The following SLC24A2 variants were observed in gnomAD, a reference collection of about 807,000 sequenced individuals.
The protein encoded by SLC24A2 is sodium/potassium/calcium exchanger 2.
Under a neutral mutation model 62.0 loss-of-function variants are expected in SLC24A2, and 36 were observed. The observed-to-expected ratio is 0.58, with a 90% CI of 0.44 to 0.77. SLC24A2 has a LOEUF of 0.77. SLC24A2 is among the 30% of genes least tolerant of loss of function. SLC24A2 has a pLI of 0.00. For missense variants in SLC24A2, 846 were observed against 817.9 expected (o/e 1.03, Z -0.42); for synonymous variants, 358 against 294.0 (o/e 1.22, Z -2.23).
chr9:19,825,033 A>G, the SLC24A2 span, among the ~76,000 whole-genome samples: 2 of 152,082 alleles, frequency 1.3e-5, no homozygotes, highest in Non-Finnish European at 2.9e-5. Flanking sequence ...GTGGGGACAA[A>G]GGGAAGTGAA....
intron 2 of SLC24A2, among the ~76,000 whole-genome samples, chr9:19,692,724 C>T (rs1820078976): frequency 6.6e-6 from 1 of 152,104 alleles, no homozygotes; most frequent in Non-Finnish European, 1.5e-5. Context: ...TCTCCTTCCT[C>T]CACCAAATGT....
intron 2 of SLC24A2, among the ~76,000 whole-genome samples, chr9:19,636,331 C>CTTTCTT (rs1818339222): frequency 5.1e-5 from 1 of 19,576 alleles, no homozygotes; most frequent in African/African-American, 2.5e-4. Context: ...TTCTTTCTTT[C>CTTTCTT]TTTCTTTCTT....
the SLC24A2 span, among the ~76,000 whole-genome samples, chr9:20,045,713 G>A: frequency 6.6e-6 from 1 of 152,206 alleles, no homozygotes; most frequent in East Asian, 1.9e-4. Context: ...TTACAGGGGT[G>A]AGCCACTGCA....
At chr9:19,931,347 A>G in the SLC24A2 span, among the ~76,000 whole-genome samples, 1 of 152,250 alleles carries the variant, frequency 6.6e-6, no homozygotes, top group African/African-American at 2.4e-5. Context: ...CTGTAATTTA[A>G]AAATAGATTT....
At chr9:20,166,788 A>T in the SLC24A2 span, among the ~76,000 whole-genome samples, 1 of 151,994 alleles carries the variant, frequency 6.6e-6, no homozygotes, top group Non-Finnish European at 1.5e-5. Flanking sequence ...AAAAGGTAAA[A>T]TTAAATCAGT....
chr9:19,793,294 G>A (rs559045834), upstream of SLC24A2, among the ~76,000 whole-genome samples: 1 of 152,336 alleles, frequency 6.6e-6, no homozygotes, highest in South Asian at 2.1e-4. Context: ...CCCCAAGCTG[G>A]TCACTATCTA....
At chr9:20,261,400 G>T in the SLC24A2 span, among the ~76,000 whole-genome samples, 1 of 152,196 alleles carries the variant, frequency 6.6e-6, no homozygotes, top group Admixed American at 6.5e-5. Context: ...AAGTGCAAAA[G>T]GGAGGATAGG....
chr9:20,017,522 G>A, the SLC24A2 span, among the ~76,000 whole-genome samples: 18 of 152,250 alleles, frequency 1.2e-4, no homozygotes, highest in South Asian at 3.3e-3. Flanking sequence ...ACATATGAAA[G>A]GGTGTTTATT....
intron 2 of SLC24A2, among the ~76,000 whole-genome samples, chr9:19,698,252 G>C (rs918046151): frequency 1.3e-5 from 2 of 152,014 alleles, no homozygotes; most frequent in Admixed American, 6.6e-5. Flanking sequence ...TCAAATTGCA[G>C]CCAAAACTTT....
At chr9:19,972,378 T>A in the SLC24A2 span, among the ~76,000 whole-genome samples, 2 of 152,182 alleles carry the variant, frequency 1.3e-5, no homozygotes, top group Admixed American at 1.3e-4. Context: ...AGGTTCTGGG[T>A]TTAATTTTAC....
the SLC24A2 span, among the ~76,000 whole-genome samples, chr9:20,167,413 G>A: frequency 6.6e-6 from 1 of 151,932 alleles, no homozygotes; most frequent in Non-Finnish European, 1.5e-5. Flanking sequence ...TATGGAATCG[G>A]GGAAGGCAAG....
the SLC24A2 span, among the ~76,000 whole-genome samples, chr9:19,871,361 G>C: frequency 2.6e-5 from 4 of 151,918 alleles, no homozygotes; most frequent in African/African-American, 9.7e-5. Context: ...TGGTACTTTG[G>C]GTTTGTTTAG....
the SLC24A2 span, among the ~76,000 whole-genome samples, chr9:20,130,525 T>A: frequency 2.6e-5 from 4 of 151,862 alleles, no homozygotes; most frequent in East Asian, 7.8e-4. Flanking sequence ...AGGCTTTGGG[T>A]TGTTTAAAAA....
In SLC24A2 at chr9:19,514,122, C is replaced by T. The variant is rs1379553154; in HGVS notation, c.*2031G>A. 1 of 152,196 alleles carries T rather than the reference C, an allele frequency of 6.6e-6. No individual in the cohort carries two copies. The allele number at this position is 152,196 out of a possible 1,614,324, so 9.4% of individuals were successfully genotyped here. A position where few individuals can be genotyped will look rare whatever the true frequency, so the allele number is the denominator to read the frequency against. ...GGCCTCGGGTTTGAAGTGCTTTTTA[C>T]TTCTGGGTGAAGAGGAATGATGGGC... On this transcript the variant is annotated 3_prime_UTR_variant, in exon 11 of 11. Coordinates refer to ENST00000341998, the MANE Select transcript of SLC24A2 (RefSeq NM_020344.4).
the SLC24A2 span, among the ~76,000 whole-genome samples, chr9:20,244,553 C>T: frequency 1.3e-5 from 2 of 152,226 alleles, no homozygotes; most frequent in East Asian, 1.9e-4. Flanking sequence ...CAGTGCCGAA[C>T]ATCTTTGAAA....
the SLC24A2 span, among the ~76,000 whole-genome samples, chr9:19,898,235 C>A: frequency 5.3e-5 from 8 of 152,164 alleles, no homozygotes; most frequent in African/African-American, 1.9e-4. Flanking sequence ...ATGCTGGCAC[C>A]TTGTGGAAGC....
At chr9:19,704,375 G>A (rs1048938012) in intron 2 of SLC24A2, among the ~76,000 whole-genome samples, 1 of 148,998 alleles carries the variant, frequency 6.7e-6, no homozygotes, top group East Asian at 1.9e-4. Flanking sequence ...TCACACATAA[G>A]AGAAGGAAAT....
intron 2 of SLC24A2, among the ~76,000 whole-genome samples, chr9:19,777,888 T>G (rs1051051310): frequency 3.9e-5 from 6 of 152,162 alleles, no homozygotes; most frequent in African/African-American, 1.4e-4. Flanking sequence ...AATACATAAT[T>G]TTGGTATCTG....
chr9:20,151,891 A>G, the SLC24A2 span, among the ~76,000 whole-genome samples: 1 of 151,786 alleles, frequency 6.6e-6, no homozygotes, highest in African/African-American at 2.4e-5. Context: ...CCCAATCAAA[A>G]GAACTCATTC....
Sources: gnomAD v4.1 joint callset for allele counts (sites outside exome capture counted in the v4.1 genomes callset) on GRCh38, gnomAD v4.1.1 for gene constraint, MANE v1.5 for transcripts, NCBI Gene and HGNC (gene_info 2026-07-23, HGNC 2026-07-21) for gene names.